Variants in LIPH observed in about 807,000 individuals in gnomAD.
The protein encoded by LIPH is lipase H, also known as lipase member H.
Under a neutral mutation model 47.6 loss-of-function variants are expected in LIPH, and 32 were observed. The observed-to-expected ratio is 0.67, with a 90% CI of 0.51 to 0.90. The LOEUF (loss-of-function observed/expected upper bound fraction) is 0.90. Ranked by LOEUF, LIPH falls within the 40% of genes least tolerant of loss-of-function variation. The pLI is 0.00. For synonymous variants in LIPH, 190 were observed against 195.6 expected, an observed-to-expected ratio of 0.97 and a Z score of 0.24; for missense variants, 497 against 541.4, an observed-to-expected ratio of 0.92 and a Z score of 0.81.
At chr3:185,542,136 A>T (rs1162295687) in intron 1 of LIPH, among the ~76,000 whole-genome samples, 1 of 152,152 alleles carries the variant, frequency 6.6e-6, no homozygotes, top group Non-Finnish European at 1.5e-5. Context: ...TCATTCATGA[A>T]CATGTGTAGA....
intron 3 of LIPH, among the ~76,000 whole-genome samples, chr3:185,531,991 T>A (rs1209881802): frequency 6.6e-6 from 1 of 151,790 alleles, no homozygotes; most frequent in Admixed American, 6.6e-5. Flanking sequence ...AGGCATGAGC[T>A]ACTGCACCCA....
rs1719443263 is a variant in LIPH at position 185,508,281 on chromosome 3, TG to T, written c.*508del. 1.2e-5 allele frequency: 2 copies of T among 166,840 alleles called. No individual in the cohort carries two copies. The highest frequency in any genetic ancestry group is 3.1e-4 in the South Asian group (2 of 6,514). 10.3% of individuals were successfully genotyped at this position (166,840 alleles called of 1,614,324 possible). On this transcript the variant is annotated 3_prime_UTR_variant, in exon 10 of 10. Transcript: ENST00000296252. ...AAACATCTCATAGATGTGGCACCTA[TG>T]GGATTTCAAAAAACCCTTCATAGAT...
At chr3:185,519,043 C>T in intron 6 of LIPH, 99 bp downstream of exon 6, 1 of 1,053,898 alleles carries the variant, frequency 9.5e-7, no homozygotes, top group Non-Finnish European at 1.5e-6. Flanking sequence ...GTTTTTAATA[C>T]AATTATGGGG....
chr3:185,550,778 G>A (rs1348552519), intron 1 of LIPH, among the ~76,000 whole-genome samples: 1 of 152,122 alleles, frequency 6.6e-6, no homozygotes, highest in East Asian at 1.9e-4. Context: ...ATGTTGGCCA[G>A]GCTGGTCTTG....
chr3:185,522,731 A>G (rs1719946811), intron 5 of LIPH, among the ~76,000 whole-genome samples: 1 of 151,970 alleles, frequency 6.6e-6, no homozygotes, highest in South Asian at 2.1e-4. Flanking sequence ...CAGTCAGCTC[A>G]CTTTTATGTT....
chr3:185,541,925 T>A (rs932006928), intron 1 of LIPH, among the ~76,000 whole-genome samples: 10 of 151,646 alleles, frequency 6.6e-5, no homozygotes, highest in Non-Finnish European at 1.3e-4. Context: ...CCTGGCTAAT[T>A]TTTGTATTTT....
chr3:185,534,090 G>C (rs1475293005), intron 2 of LIPH, among the ~76,000 whole-genome samples: 2 of 152,178 alleles, frequency 1.3e-5, no homozygotes, highest in Non-Finnish European at 2.9e-5. Flanking sequence ...GGGCGCAGTG[G>C]CTCACGCCTG....
intron 1 of LIPH, among the ~76,000 whole-genome samples, chr3:185,552,195 T>A (rs903469666): frequency 1.3e-5 from 2 of 151,714 alleles, no homozygotes; most frequent in Admixed American, 6.6e-5. Flanking sequence ...CTTCTTTTAT[T>A]ATTGAGAAAT....
At chr3:185,538,809 A>T (rs999223745) in intron 1 of LIPH, among the ~76,000 whole-genome samples, 4 of 5,236 alleles carry the variant, frequency 7.6e-4, no homozygotes, top group African/African-American at 1.3e-3. Context: ...ACACATATAT[A>T]CATATATACA....
chr3:185,516,786 A>G (rs1191710392), intron 7 of LIPH, among the ~76,000 whole-genome samples: 1 of 152,240 alleles, frequency 6.6e-6, no homozygotes, highest in Non-Finnish European at 1.5e-5. Flanking sequence ...TATTAAATTA[A>G]TATTTTTAAA....
At chr3:185,513,653 T>C (rs988347732) in intron 8 of LIPH, among the ~76,000 whole-genome samples, 2 of 152,174 alleles carry the variant, frequency 1.3e-5, no homozygotes, top group African/African-American at 4.8e-5. Flanking sequence ...CTAGTCACAA[T>C]AGCCAAGAGG....
intron 3 of LIPH, among the ~76,000 whole-genome samples, chr3:185,532,959 A>G (rs1720378543): frequency 1.3e-5 from 2 of 152,116 alleles, no homozygotes; most frequent in Non-Finnish European, 2.9e-5. Flanking sequence ...CCATCTAGGT[A>G]TGAGGATGGA....
At chr3:185,519,836 C>CAAAAAAAA (rs145391972) in intron 5 of LIPH, among the ~76,000 whole-genome samples, 4 of 53,788 alleles carry the variant, frequency 7.4e-5, no homozygotes, top group African/African-American at 8.2e-5. Context: ...CACTCCATCT[C>CAAAAAAAA]AAAAAAAAAA....
chr3:185,512,231 A>T (rs1719588164), intron 8 of LIPH, among the ~76,000 whole-genome samples: 1 of 152,102 alleles, frequency 6.6e-6, no homozygotes, highest in African/African-American at 2.4e-5. Flanking sequence ...CTTTAGCCAA[A>T]ATAGATGCTA....
intron 2 of LIPH, 43 bp downstream of exon 2, chr3:185,534,722 C>A: frequency 6.2e-7 from 1 of 1,607,370 alleles, no homozygotes; most frequent in Non-Finnish European, 8.5e-7. Context: ...GATAATGGGC[C>A]AGTTTCAACT....
chr3:185,520,672 G>A (rs968000270), intron 5 of LIPH, among the ~76,000 whole-genome samples: 2 of 152,004 alleles, frequency 1.3e-5, no homozygotes, highest in African/African-American at 4.8e-5. Context: ...CATTTATTAT[G>A]GGAATTTTCA....
At chr3:185,511,457 C>G in intron 9 of LIPH, 67 bp downstream of exon 9, 1 of 1,405,350 alleles carries the variant, frequency 7.1e-7, no homozygotes, top group Non-Finnish European at 1.0e-6. Context: ...TCAGACCAAG[C>G]AGATTGGACA....
At chr3:185,541,352 T>C (rs907503158) in intron 1 of LIPH, among the ~76,000 whole-genome samples, 5 of 151,910 alleles carry the variant, frequency 3.3e-5, no homozygotes, top group Non-Finnish European at 5.9e-5. Flanking sequence ...CTCTTCCCAT[T>C]GTCAAATACA....
At chr3:185,529,113 G>A (rs910506948) in intron 3 of LIPH, among the ~76,000 whole-genome samples, 1 of 140,754 alleles carries the variant, frequency 7.1e-6, no homozygotes, top group Non-Finnish European at 1.5e-5. Flanking sequence ...GGAGGCAGAG[G>A]TTGCAGTGAG....
Sources: gnomAD v4.1 joint callset for allele counts (sites outside exome capture counted in the v4.1 genomes callset) on GRCh38, gnomAD v4.1.1 for gene constraint, MANE v1.5 for transcripts, NCBI Gene and HGNC (gene_info 2026-07-23, HGNC 2026-07-21) for gene names.